HERC2: variants seen among roughly 807,000 people sequenced by gnomAD.
The protein encoded by HERC2 is HECT and RLD domain containing E3 ubiquitin protein ligase 2, also known as E3 ubiquitin-protein ligase HERC2.
HERC2 carries 102 observed loss-of-function variants against 537.7 expected under a neutral mutation model. The ratio of observed to expected loss-of-function variants is 0.19; its 90% CI spans 0.16 to 0.22. The LOEUF (loss-of-function observed/expected upper bound fraction) is 0.22. Ranked by LOEUF, HERC2 falls within the 10% of genes least tolerant of loss-of-function variation. HERC2 has a pLI of 1.00. For missense variants in HERC2, 4,236 were observed against 6,198.2 expected, an observed-to-expected ratio of 0.68 and a Z score of 10.63; for synonymous variants, 2,224 against 2,466.2, an observed-to-expected ratio of 0.90 and a Z score of 2.91.
At chr15:28,256,531 T>C (rs2075267040) in intron 17 of HERC2, among the ~76,000 whole-genome samples, 1 of 152,154 alleles carries the variant, frequency 6.6e-6, no homozygotes, top group South Asian at 2.1e-4. Flanking sequence ...TGAACATGTT[T>C]ATGGAAAGCT....
At position 28,135,546 on chromosome 15, in the gene HERC2, C is replaced by T. The variant is rs374694832; in HGVS notation, c.12162G>A (p.Leu4054=). 4 of 1,614,110 alleles carry T rather than the reference C, an allele frequency of 2.5e-6. No individual in the cohort carries two copies. In the African/African-American group the frequency reaches 5.3e-5, roughly 22 times the overall value. ...AAGAGTAAACTTCTCCTTCTGAAGA[C>T]AGGGCAAGGCAGTGCTTTCCTCCAG... is the stretch of plus-strand genomic sequence containing the variant. ...VNSGGKHCLA[L]SSEGEVYSWG... is the part of the protein sequence containing the mutation. The change falls in exon 79 of 93, where the codon CTG becomes CTA. Residue 4054 remains leucine (L), a synonymous_variant. Transcript: ENST00000261609.
At chr15:28,192,354 A>T (rs1010322109) in intron 52 of HERC2, among the ~76,000 whole-genome samples, 2 of 152,228 alleles carry the variant, frequency 1.3e-5, no homozygotes, top group African/African-American at 4.8e-5. Context: ...TAATGCTATG[A>T]TTTATTCTAC....
At chr15:28,158,357 T>C (rs146849552) in intron 69 of HERC2, among the ~76,000 whole-genome samples, 199 of 152,298 alleles carry the variant, frequency 1.3e-3, no homozygotes, top group African/African-American at 4.7e-3. Context: ...CCCATTATTA[T>C]TGTGTGGGAG....
chr15:28,307,482 CT>C (rs2076821519), intron 2 of HERC2, among the ~76,000 whole-genome samples: 1 of 152,128 alleles, frequency 6.6e-6, no homozygotes, highest in African/African-American at 2.4e-5. Context: ...AGTTTTTCTA[CT>C]TTTTTGATTT....
chr15:28,280,587 T>C (rs1308728521), intron 4 of HERC2, among the ~76,000 whole-genome samples: 2 of 152,014 alleles, frequency 1.3e-5, no homozygotes, highest in African/African-American at 4.8e-5. Context: ...CATGGCACAC[T>C]GCCTCTCTCT....
At chr15:28,255,703 A>G (rs534481280) in intron 19 of HERC2, among the ~76,000 whole-genome samples, 169 bp downstream of exon 19, 1 of 152,378 alleles carries the variant, frequency 6.6e-6, no homozygotes, top group East Asian at 1.9e-4. Flanking sequence ...CAATTAAATC[A>G]TATCTCAATA....
At chr15:28,123,918 G>A (rs1056476548) in intron 85 of HERC2, 119 bp downstream of exon 85, 21 of 769,114 alleles carry the variant, frequency 2.7e-5, no homozygotes, top group African/African-American at 1.1e-4. Context: ...GAGGCATTCC[G>A]TGAACATTTG....
chr15:28,139,082 T>C (rs1890931445), intron 78 of HERC2, among the ~76,000 whole-genome samples: 1 of 152,260 alleles, frequency 6.6e-6, no homozygotes. Flanking sequence ...TTATATCCAC[T>C]GGGAAACCAA....
At chr15:28,185,869 G>A (rs947503989) in intron 56 of HERC2, among the ~76,000 whole-genome samples, 2 of 152,074 alleles carry the variant, frequency 1.3e-5, no homozygotes, top group Non-Finnish European at 2.9e-5. Context: ...GTTTTATTTT[G>A]CATGTTCATC....
chr15:28,136,876 GA>G (rs1391265948), intron 78 of HERC2, among the ~76,000 whole-genome samples: 1 of 152,082 alleles, frequency 6.6e-6, no homozygotes, highest in African/African-American at 2.4e-5. Context: ...ACCAACGAAA[GA>G]ATTTCACTAA....
intron 65 of HERC2, among the ~76,000 whole-genome samples, chr15:28,172,823 A>G (rs1256401426): frequency 6.6e-6 from 1 of 152,234 alleles, no homozygotes; most frequent in African/African-American, 2.4e-5. Flanking sequence ...GAATAAAATG[A>G]CAAGCCACAC....
In HERC2 at chr15:28,229,315, C is replaced by G. The variant is rs750568983; in HGVS notation, c.5152G>C (p.Asp1718His). The change falls in exon 34 of 93, where the codon GAT (aspartate) becomes CAT (histidine). Residue 1718 changes from aspartate to histidine, a missense_variant. This residue lies in a region of HERC2 where 343 missense variants were observed against 417.2 expected (regional missense o/e 0.82). Coordinates refer to ENST00000261609, the MANE Select transcript of HERC2 (RefSeq NM_004667.6). ...EPLTDCLKDV[D>H]LIPPFNRMLL... ...ATCCGATTAAAAGGCGGGATCAAAT[C>G]AACATCCTTTAAACAATCAGTAAGA... 1.2e-5 allele frequency: 19 copies of G among 1,612,826 alleles called. No individual in the cohort carries two copies. Among genetic ancestry groups the G allele is most frequent in the Middle Eastern group, 3.3e-4 (2 of 6,056 alleles).
intron 86 of HERC2, chr15:28,117,628 C>CA: frequency 4.5e-6 from 2 of 441,726 alleles, no homozygotes; most frequent in Non-Finnish European, 9.1e-6. Context: ...ACCCAATGCC[C>CA]CTGAGACTGA....
chr15:28,288,237 T>A (rs1272596753), intron 4 of HERC2, among the ~76,000 whole-genome samples: 26 of 151,370 alleles, frequency 1.7e-4, no homozygotes, highest in East Asian at 9.8e-4. Context: ...TGGTAAAATG[T>A]AAGTTAACAT....
intron 82 of HERC2, 36 bp downstream of exon 82, chr15:28,130,467 G>C: frequency 5.6e-6 from 9 of 1,596,060 alleles, no homozygotes; most frequent in Non-Finnish European, 7.7e-6. Context: ...TAAAAATCTG[G>C]TTTTAGTGGG....
At chr15:28,146,044 A>G (rs1167600034) in intron 71 of HERC2, among the ~76,000 whole-genome samples, 193 bp downstream of exon 71, 1 of 152,216 alleles carries the variant, frequency 6.6e-6, no homozygotes, top group Non-Finnish European at 1.5e-5. Context: ...TACATCACAG[A>G]TAATTACTGT....
chr15:28,117,175 A>G, intron 86 of HERC2, 21 bp from the exon 87 acceptor site: 2 of 1,613,136 alleles, frequency 1.2e-6, no homozygotes, highest in Non-Finnish European at 1.7e-6. Context: ...GGAAGCAAGC[A>G]AGCGTGAGGC....
At chr15:28,155,874 T>C (rs1186216504) in intron 69 of HERC2, among the ~76,000 whole-genome samples, 8 of 152,196 alleles carry the variant, frequency 5.3e-5, no homozygotes, top group South Asian at 2.1e-4. Flanking sequence ...TAGGTCTTCT[T>C]CTAGGGTTTT....
In HERC2 at chr15:28,217,875, G is replaced by A. The variant is rs556444560; in HGVS notation, c.6028+614C>T. Among the ~76,000 whole-genome samples the A allele has an allele frequency of 3.4e-3, 521 of 152,058 alleles. 6 individuals are homozygous for A. Among genetic ancestry groups the A allele is most frequent in the African/African-American group, 0.012 (484 of 41,348 alleles). On this transcript the variant is annotated intron_variant, in intron 38 of 92. Transcript: ENST00000261609. ...AGCTCCCAGAAGCTGGACAAAGTAA[G>A]GAAGGACCTTCCCCTAGAGCCTGTG... is the stretch of plus-strand genomic sequence containing the variant.
Sources: gnomAD v4.1 joint callset for allele counts (sites outside exome capture counted in the v4.1 genomes callset) on GRCh38, gnomAD v4.1.1 for gene constraint, gnomAD v4.1.1 regional missense constraint, MANE v1.5 for transcripts, NCBI Gene and HGNC (gene_info 2026-07-23, HGNC 2026-07-21) for gene names.